The following SMCHD1 variants were observed in gnomAD, a reference collection of about 807,000 sequenced individuals.
SMCHD1 encodes the protein structural maintenance of chromosomes flexible hinge domain containing 1, also known as structural maintenance of chromosomes flexible hinge domain-containing protein 1.
Under a neutral mutation model 254.7 loss-of-function variants are expected in SMCHD1, and 78 were observed. The ratio of observed to expected loss-of-function variants is 0.31; its 90% CI spans 0.26 to 0.37. The LOEUF (loss-of-function observed/expected upper bound fraction) is 0.37. Among genes scored for constraint, SMCHD1 ranks in the 10% least tolerant of loss-of-function variants. The pLI is 1.00. For synonymous variants in SMCHD1, 766 were observed against 794.9 expected (o/e 0.96, Z 0.61); for missense variants, 1,840 against 2,408.1 (o/e 0.76, Z 4.94).
At position 2,784,517 on chromosome 18, in the gene SMCHD1, A is replaced by G; in HGVS notation, c.5615A>G (p.Lys1872Arg). The G allele has an allele frequency of 6.2e-7, 1 of 1,613,142 alleles. No individual in the cohort carries two copies. The highest frequency in any genetic ancestry group is 8.5e-7 in the Non-Finnish European group (1 of 1,179,554). The change falls in exon 45 of 48, where the codon AAG becomes AGG. Residue 1872 changes from lysine (K) to arginine (R), a missense_variant. Lys to Arg is a conservative substitution (Grantham distance 26, BLOSUM62 2). Transcript: ENST00000320876. ...GGAGATCGAATTCGAAGTAATGGAA[A>G]GTTTGGGGGCCTTCAGAATAAAGCT... is the stretch of plus-strand genomic sequence containing the variant. ...RDGDRIRSNG[K>R]FGGLQNKAPP... is the part of the protein sequence containing the mutation.
intron 45 of SMCHD1, among the ~76,000 whole-genome samples, chr18:2,787,835 A>G (rs1352931613): frequency 6.6e-6 from 1 of 152,256 alleles, no homozygotes; most frequent in East Asian, 1.9e-4. Flanking sequence ...GCAGCCATGC[A>G]TGACTACTTT....
chr18:2,798,437 A>G (rs898127582), intron 47 of SMCHD1, among the ~76,000 whole-genome samples: 16 of 152,196 alleles, frequency 1.1e-4, no homozygotes, highest in African/African-American at 3.9e-4. Context: ...TGAGTTCAAA[A>G]TGACGCAAAA....
chr18:2,729,000 G>A (rs551089809), intron 23 of SMCHD1, among the ~76,000 whole-genome samples: 2 of 149,136 alleles, frequency 1.3e-5, no homozygotes, highest in East Asian at 1.9e-4. Flanking sequence ...GTAAAAGACC[G>A]CAGAAAGAAA....
intron 10 of SMCHD1, among the ~76,000 whole-genome samples, chr18:2,700,054 AAAT>A (rs1485759670): frequency 6.6e-6 from 1 of 152,236 alleles, no homozygotes; most frequent in East Asian, 1.9e-4. Context: ...TTGAATCTGA[AAAT>A]AATTTCTAAA....
intron 35 of SMCHD1, among the ~76,000 whole-genome samples, chr18:2,761,269 A>T (rs979088458): frequency 6.6e-6 from 1 of 152,148 alleles, no homozygotes; most frequent in African/African-American, 2.4e-5. Flanking sequence ...AAAAGAGGGG[A>T]AAGAGGGAGG....
chr18:2,690,857 C>T (rs2074160607), intron 7 of SMCHD1, among the ~76,000 whole-genome samples: 1 of 151,152 alleles, frequency 6.6e-6, no homozygotes, highest in African/African-American at 2.4e-5. Flanking sequence ...CCCAAAGTCA[C>T]ATACACTTCC....
At chr18:2,739,210 G>A (rs1048147068) in intron 26 of SMCHD1, among the ~76,000 whole-genome samples, 8 of 152,122 alleles carry the variant, frequency 5.3e-5, no homozygotes, top group African/African-American at 1.9e-4. Flanking sequence ...TAACATGTCT[G>A]TAAGTTTTTG....
At chr18:2,794,948 A>C (rs1187929814) in intron 45 of SMCHD1, among the ~76,000 whole-genome samples, 4 of 152,138 alleles carry the variant, frequency 2.6e-5, no homozygotes, top group African/African-American at 7.2e-5. Flanking sequence ...AATTTGAATA[A>C]TGTAATACAT....
At chr18:2,767,584 C>CTTTTTTTTTTTTTTTTTT (rs397858216) in intron 37 of SMCHD1, among the ~76,000 whole-genome samples, 1 of 89,250 alleles carries the variant, frequency 1.1e-5, no homozygotes, top group Non-Finnish European at 2.0e-5. Context: ...AACCTATTTC[C>CTTTTTTTTTTTTTTTTTT]TTTTTTTTTT....
Position 2,762,089 on chromosome 18 carries a change from T to C in SMCHD1, c.4435-16T>C, listed in dbSNP as rs965475702. On this transcript the variant is annotated splice_polypyrimidine_tract_variant and intron_variant, in intron 35 of 47. Transcript: ENST00000320876. ...TCAATATATTGTTAATCAGAATGTC[T>C]CTTTTGTTTTGTAAGGTTATAGTTG... The C allele has an allele frequency of 6.2e-7, 1 of 1,610,454 alleles. No homozygotes were observed. The highest frequency in any genetic ancestry group is 2.2e-5 in the East Asian group (1 of 44,830).
intron 5 of SMCHD1, among the ~76,000 whole-genome samples, chr18:2,686,794 A>T (rs1205165988): frequency 6.6e-6 from 1 of 151,870 alleles, no homozygotes; most frequent in Non-Finnish European, 1.5e-5. Context: ...GTTGTTTTGT[A>T]TCTCTGGTAT....
chr18:2,760,639 C>T lies in SMCHD1; in HGVS notation c.4347-13C>T. 7.1e-7 allele frequency: 1 copy of T among 1,417,940 alleles called. No homozygotes were observed. The highest frequency in any genetic ancestry group is 1.0e-6 in the Non-Finnish European group (1 of 1,003,760). 87.8% of individuals were successfully genotyped at this position (1,417,940 alleles called of 1,614,324 possible). On this transcript the variant is annotated splice_polypyrimidine_tract_variant and intron_variant, in intron 34 of 47. Coordinates refer to ENST00000320876, the MANE Select transcript of SMCHD1 (RefSeq NM_015295.3). ...AAACATTGTCAGTAATCTTAACTTT[C>T]TTTTAAATTTAGGGATAAAGTAATT...
At chr18:2,757,846 G>C (rs2075710371) in intron 34 of SMCHD1, among the ~76,000 whole-genome samples, 1 of 151,952 alleles carries the variant, frequency 6.6e-6, no homozygotes, top group South Asian at 2.1e-4. Context: ...TACATATTTT[G>C]AGGCTTTGTT....
intron 47 of SMCHD1, among the ~76,000 whole-genome samples, chr18:2,798,238 C>CA (rs11419909): frequency 0.095 from 14,457 of 151,610 alleles, 1,095 homozygotes; most frequent in East Asian, 0.43. Context: ...CATCATGTTG[C>CA]AAAAAAAATC....
intron 28 of SMCHD1, among the ~76,000 whole-genome samples, chr18:2,742,653 A>G (rs2075373660): frequency 6.6e-6 from 1 of 152,172 alleles, no homozygotes; most frequent in African/African-American, 2.4e-5. Context: ...AACATAAAAC[A>G]TGAAGTTTTC....
At chr18:2,710,454 C>T (rs950533355) in intron 17 of SMCHD1, among the ~76,000 whole-genome samples, 8 of 152,178 alleles carry the variant, frequency 5.3e-5, no homozygotes, top group African/African-American at 1.9e-4. Context: ...AGGGATTACA[C>T]TGAATATGCA....
intron 22 of SMCHD1, 29 bp from the exon 23 acceptor site, chr18:2,728,428 A>G (rs1427253190): frequency 1.6e-5 from 25 of 1,604,962 alleles, no homozygotes; most frequent in Non-Finnish European, 1.9e-5. Context: ...AAACCTGAAT[A>G]TGTATTTCAT....
At chr18:2,701,381 G>A (rs150312787) in intron 12 of SMCHD1, 4,077 of 152,692 alleles carry the variant, frequency 0.027, 72 homozygotes, top group Middle Eastern at 0.1. Flanking sequence ...GGCTGGTCTC[G>A]AACTCCTGAC....
chr18:2,728,059 A>G (rs906367323), intron 22 of SMCHD1, among the ~76,000 whole-genome samples: 5 of 152,082 alleles, frequency 3.3e-5, no homozygotes, highest in African/African-American at 1.2e-4. Context: ...AATTCTTTGA[A>G]TGTCTAAAAC....
Sources: allele counts gnomAD v4.1 joint callset (sites outside exome capture counted in the v4.1 genomes callset), GRCh38; gene constraint gnomAD v4.1.1; transcripts MANE v1.5; gene names NCBI Gene and HGNC (gene_info 2026-07-23, HGNC 2026-07-21).